The following GPC5 variants were observed in gnomAD, a reference collection of about 807,000 sequenced individuals.
The protein encoded by GPC5 is glypican-5.
A neutral mutation model predicts 53.9 loss-of-function variants in GPC5; 47 were observed. That is an observed-to-expected ratio of 0.87 (90% confidence interval 0.69 to 1.11). GPC5 has a LOEUF of 1.11. GPC5 is among the 50% of genes most tolerant of loss of function. The probability of loss-of-function intolerance (pLI) is 0.00; values close to 1 mark genes in which losing one functional copy is unlikely to be tolerated. For missense variants in GPC5, 748 were observed against 713.1 expected (o/e 1.05, Z -0.56); for synonymous variants, 286 against 263.3 (o/e 1.09, Z -0.84).
At chr13:92,514,952 A>C (rs1232398975) in intron 7 of GPC5, among the ~76,000 whole-genome samples, 1 of 152,176 alleles carries the variant, frequency 6.6e-6, no homozygotes, top group Non-Finnish European at 1.5e-5. Context: ...ACTCATCGTG[A>C]CTGGCAGACT....
chr13:92,373,695 G>A (rs1036604999), intron 7 of GPC5, among the ~76,000 whole-genome samples: 1 of 152,130 alleles, frequency 6.6e-6, no homozygotes, highest in African/African-American at 2.4e-5. Context: ...CTACAGCACA[G>A]CATGAGGTTA....
At chr13:92,596,649 T>C (rs1394569259) in intron 7 of GPC5, among the ~76,000 whole-genome samples, 1 of 152,000 alleles carries the variant, frequency 6.6e-6, no homozygotes, top group African/African-American at 2.4e-5. Context: ...GATTTTTGTA[T>C]TGTTAGTGGA....
chr13:92,577,006 G>C (rs1883207431), intron 7 of GPC5, among the ~76,000 whole-genome samples: 1 of 152,046 alleles, frequency 6.6e-6, no homozygotes, highest in Non-Finnish European at 1.5e-5. Context: ...AGATAAAATG[G>C]ATCATTCAGA....
chr13:91,432,978 A>C (rs1879615830), intron 1 of GPC5, among the ~76,000 whole-genome samples: 1 of 152,114 alleles, frequency 6.6e-6, no homozygotes, highest in African/African-American at 2.4e-5. Context: ...GGAGGCTAAC[A>C]CTTTAATGAA....
intron 7 of GPC5, among the ~76,000 whole-genome samples, chr13:92,210,584 C>A (rs1192072004): frequency 6.6e-6 from 1 of 152,050 alleles, no homozygotes; most frequent in African/African-American, 2.4e-5. Context: ...CAATTTATAA[C>A]AGTGGTCCAT....
intron 2 of GPC5, among the ~76,000 whole-genome samples, chr13:91,567,541 T>C (rs1457394824): frequency 6.6e-6 from 1 of 152,168 alleles, no homozygotes; most frequent in African/African-American, 2.4e-5. Context: ...GGTTTTTTAA[T>C]AGAGATTTCC....
intron 7 of GPC5, among the ~76,000 whole-genome samples, chr13:92,463,325 C>T (rs1878567146): frequency 6.6e-6 from 1 of 152,210 alleles, no homozygotes. Context: ...ATGCTGTTTA[C>T]ACACAGCAAG....
rs1007920241 is a variant in GPC5, at chr13:92,361,395, T to C, written c.1561+216406T>C. 3.3e-5 allele frequency among the ~76,000 whole-genome samples: 5 copies of C among 151,822 alleles called. No individual in the cohort carries two copies. The South Asian group carries it at 1.0e-3, about 31-fold the overall frequency. On this transcript the variant is annotated intron_variant, in intron 7 of 7. Coordinates refer to ENST00000377067, the MANE Select transcript of GPC5 (RefSeq NM_004466.6). ...TTGTCACTGACTTGGCCTCCTATTC[T>C]GGAAAGTTAAAAAGGTAGTTAAATT...
intron 7 of GPC5, among the ~76,000 whole-genome samples, chr13:92,271,073 C>G (rs1174306207): frequency 6.6e-6 from 1 of 152,106 alleles, no homozygotes; most frequent in African/African-American, 2.4e-5. Flanking sequence ...TTGATGTAAA[C>G]TATTGTTTCC....
At chr13:92,348,642 A>T (rs2043448786) in intron 7 of GPC5, among the ~76,000 whole-genome samples, 1 of 152,164 alleles carries the variant, frequency 6.6e-6, no homozygotes, top group Non-Finnish European at 1.5e-5. Context: ...TCTCAAGCAC[A>T]CAGAGAACAT....
chr13:91,973,594 G>T lies in GPC5; in HGVS notation c.1401+65537G>T, dbSNP rs368343340. ...TGCTCTGTTTTTTCCCCATCTTTGT[G>T]GTTTTATCTACTTTTGGTCTTTGAT... On this transcript the variant is annotated intron_variant, in intron 6 of 7. Coordinates refer to ENST00000377067, the MANE Select transcript of GPC5 (RefSeq NM_004466.6). 4.6e-5 allele frequency among the ~76,000 whole-genome samples: 7 copies of T among 152,210 alleles called. No homozygotes were observed. The South Asian group carries it at 1.5e-3, about 32-fold the overall frequency.
At chr13:91,403,879 TTA>T in intron 1 of GPC5, among the ~76,000 whole-genome samples, 1 of 151,304 alleles carries the variant, frequency 6.6e-6, no homozygotes. Flanking sequence ...ATGGGGTTAA[TTA>T]TAACTATTGC....
intron 7 of GPC5, among the ~76,000 whole-genome samples, chr13:92,497,543 C>T (rs923721682): frequency 1.3e-5 from 2 of 152,164 alleles, no homozygotes; most frequent in African/African-American, 4.8e-5. Context: ...AGCGTGATGA[C>T]TCCATCTTTG....
At chr13:92,691,955 T>A (rs900201951) in intron 7 of GPC5, among the ~76,000 whole-genome samples, 7 of 152,134 alleles carry the variant, frequency 4.6e-5, no homozygotes. Flanking sequence ...AGGTTTGGAG[T>A]ACAAATATTT....
chr13:92,697,277 A>G (rs1887584905), intron 7 of GPC5, among the ~76,000 whole-genome samples: 1 of 152,138 alleles, frequency 6.6e-6, no homozygotes, highest in Admixed American at 6.5e-5. Context: ...GAATCTATAA[A>G]TTAATTTGGG....
intron 7 of GPC5, chr13:92,240,337 T>C (rs1441899821): frequency 1.3e-5 from 2 of 152,120 alleles, no homozygotes; most frequent in Non-Finnish European, 2.9e-5. Flanking sequence ...AAGCAATTCT[T>C]AGCATCTAAT....
intron 2 of GPC5, among the ~76,000 whole-genome samples, chr13:91,518,732 T>C (rs900095423): frequency 1.3e-5 from 2 of 152,134 alleles, no homozygotes; most frequent in African/African-American, 4.8e-5. Flanking sequence ...TTTTTGTATT[T>C]TTAGTAGACA....
chr13:92,108,410 G>A (rs903421758), intron 6 of GPC5, among the ~76,000 whole-genome samples: 14 of 152,010 alleles, frequency 9.2e-5, no homozygotes, highest in Non-Finnish European at 1.8e-4. Flanking sequence ...TAAAATTAAT[G>A]CCCTGCGAAA....
At chr13:92,099,422 T>C (rs6492582) in intron 6 of GPC5, among the ~76,000 whole-genome samples, 81,455 of 151,908 alleles carry the variant, frequency 0.54, 22,233 homozygotes, top group East Asian at 0.79. Flanking sequence ...TCTTTGCTCT[T>C]GCTGTCCTTG....
Sources: gnomAD v4.1 joint callset for allele counts (sites outside exome capture counted in the v4.1 genomes callset) on GRCh38, gnomAD v4.1.1 for gene constraint, MANE v1.5 for transcripts, NCBI Gene and HGNC (gene_info 2026-07-23, HGNC 2026-07-21) for gene names.